Variants in SRGAP1 observed in about 807,000 individuals in gnomAD.
SRGAP1 encodes the protein SLIT-ROBO Rho GTPase activating protein 1, also known as SLIT-ROBO Rho GTPase-activating protein 1.
SRGAP1 carries 43 observed loss-of-function variants against 121.9 expected under a neutral mutation model. The ratio of observed to expected loss-of-function variants is 0.35; its 90% CI spans 0.28 to 0.46. The LOEUF (loss-of-function observed/expected upper bound fraction) is 0.46. Ranked by LOEUF, SRGAP1 falls within the 20% of genes least tolerant of loss-of-function variation. SRGAP1 has a pLI of 1.00. For synonymous variants in SRGAP1, 447 were observed against 485.4 expected, an observed-to-expected ratio of 0.92 and a Z score of 1.04; for missense variants, 1,102 against 1,350.9, an observed-to-expected ratio of 0.82 and a Z score of 2.89.
intron 6 of SRGAP1, among the ~76,000 whole-genome samples, chr12:64,045,109 C>A (rs1395902594): frequency 6.6e-6 from 1 of 151,844 alleles, no homozygotes; most frequent in African/African-American, 2.4e-5. Flanking sequence ...TTTCTTTTTT[C>A]ATTTATTACA....
intron 17 of SRGAP1, 91 bp downstream of exon 17, chr12:64,112,077 C>T: frequency 1.0e-6 from 1 of 990,954 alleles, no homozygotes; most frequent in Non-Finnish European, 1.5e-6. Flanking sequence ...TCCCATAAGC[C>T]ACCAATGCTT....
chr12:63,951,152 C>CTTTTTTTTTT lies in SRGAP1; in HGVS notation c.68-32775_68-32766dup, dbSNP rs58637983. Among the ~76,000 whole-genome samples, 17 of 44,184 alleles carry CTTTTTTTTTT rather than the reference C, an allele frequency of 3.8e-4. 3 individuals carry two copies. Among genetic ancestry groups the CTTTTTTTTTT allele is most frequent in the African/African-American group, 1.3e-3 (15 of 11,918 alleles). The allele number at this position is 44,184 out of a possible 152,430, so 29.0% of individuals were successfully genotyped here. On this transcript the variant is annotated intron_variant, in intron 1 of 21. Transcript: ENST00000355086. ...GGGCTGGTCCATGCCATTTAGAACT[C>CTTTTTTTTTT]TTTTTTTTTTTTTTTTTTTTTTTTT...
chr12:64,156,441 A>T lies in SRGAP1; in HGVS notation c.*13769A>T, dbSNP rs2136668250. On this transcript the variant is annotated 3_prime_UTR_variant, in exon 22 of 22. Transcript: ENST00000355086. ...TGTTTTTGCTCTTTTAGTAGCAAAT[A>T]CTCTGAATCTCTGCATATGTTACTC... 6.6e-6 allele frequency: 1 copy of T among 152,050 alleles called. No homozygotes were observed. The highest frequency in any genetic ancestry group is 1.5e-5 in the Non-Finnish European group (1 of 67,952). 9.4% of individuals were successfully genotyped at this position (152,050 alleles called of 1,614,324 possible).
At chr12:63,917,504 C>T (rs2030840513) in intron 1 of SRGAP1, among the ~76,000 whole-genome samples, 2 of 151,936 alleles carry the variant, frequency 1.3e-5, no homozygotes, top group Non-Finnish European at 2.9e-5. Context: ...CGCAGTTGCT[C>T]CTTTTGAATT....
At chr12:63,956,470 A>G (rs1173383944) in intron 1 of SRGAP1, among the ~76,000 whole-genome samples, 2 of 152,240 alleles carry the variant, frequency 1.3e-5, no homozygotes, top group African/African-American at 4.8e-5. Context: ...GGAGGCACCA[A>G]GGCTATAAAA....
chr12:64,005,104 G>A (rs1043972816), intron 3 of SRGAP1, among the ~76,000 whole-genome samples: 1 of 152,128 alleles, frequency 6.6e-6, no homozygotes, highest in Non-Finnish European at 1.5e-5. Flanking sequence ...AAATATTATT[G>A]TGAGTGAAGC....
At chr12:63,969,449 A>C (rs1409690517) in intron 1 of SRGAP1, among the ~76,000 whole-genome samples, 1 of 152,138 alleles carries the variant, frequency 6.6e-6, no homozygotes, top group Admixed American at 6.6e-5. Context: ...CTGGCCCAAG[A>C]GTAAAGTCTG....
chr12:63,850,430 A>T (rs928498869), intron 1 of SRGAP1, among the ~76,000 whole-genome samples: 11 of 145,178 alleles, frequency 7.6e-5, no homozygotes, highest in Non-Finnish European at 1.5e-4. Flanking sequence ...AAATTGGCCA[A>T]TTTTTTTTTT....
chr12:63,922,985 TCTC>T (rs1373924978), intron 1 of SRGAP1, among the ~76,000 whole-genome samples: 2 of 152,160 alleles, frequency 1.3e-5, no homozygotes, highest in African/African-American at 4.8e-5. Context: ...GGTAGCATCT[TCTC>T]TAGGATATCT....
At chr12:64,049,783 T>C (rs2035204846) in intron 6 of SRGAP1, among the ~76,000 whole-genome samples, 3 of 152,204 alleles carry the variant, frequency 2.0e-5, no homozygotes, top group South Asian at 4.1e-4. Flanking sequence ...TATGGCTGTC[T>C]TGGTTACTAT....
In SRGAP1 at chr12:64,146,411, A is replaced by G. The variant is rs979568344; in HGVS notation, c.*3739A>G. On this transcript the variant is annotated 3_prime_UTR_variant, in exon 22 of 22. Coordinates refer to ENST00000355086, the MANE Select transcript of SRGAP1 (RefSeq NM_020762.4). ...AAGGGGGGGTTTATAATTTAAAGAA[A>G]AGGAAAAGAGGCGTGGGTTGGTAGT... The G allele has an allele frequency of 3.9e-5, 6 of 152,170 alleles. No individual in the cohort carries two copies. 9.4% of individuals were successfully genotyped at this position (152,170 alleles called of 1,614,324 possible).
chr12:63,978,276 CA>C (rs2033144375), intron 1 of SRGAP1, among the ~76,000 whole-genome samples: 1 of 152,200 alleles, frequency 6.6e-6, no homozygotes, highest in Admixed American at 6.5e-5. Flanking sequence ...TGGCTTTTGG[CA>C]TATGCCAGGT....
At chr12:63,999,675 C>A (rs542587775) in intron 3 of SRGAP1, among the ~76,000 whole-genome samples, 118 of 152,114 alleles carry the variant, frequency 7.8e-4, no homozygotes, top group African/African-American at 2.7e-3. Context: ...GTGATGGGAA[C>A]GGGATTATGG....
chr12:64,083,301 G>A (rs2035880048), intron 10 of SRGAP1, among the ~76,000 whole-genome samples: 1 of 152,140 alleles, frequency 6.6e-6, no homozygotes, highest in African/African-American at 2.4e-5. Context: ...ACTCACCGCT[G>A]CAAAAACTGC....
At chr12:64,012,904 TA>T (rs142921007) in intron 3 of SRGAP1, among the ~76,000 whole-genome samples, 42 of 152,088 alleles carry the variant, frequency 2.8e-4, no homozygotes, top group African/African-American at 9.6e-4. Flanking sequence ...ACCTATTAAA[TA>T]TTTTTTTTTC....
intron 4 of SRGAP1, among the ~76,000 whole-genome samples, chr12:64,021,202 A>G (rs1026452324): frequency 6.6e-6 from 1 of 152,200 alleles, no homozygotes; most frequent in Non-Finnish European, 1.5e-5. Flanking sequence ...TTTCATATAC[A>G]TCTTATTGGC....
chr12:64,068,794 G>C (rs906895564), intron 8 of SRGAP1, among the ~76,000 whole-genome samples: 7 of 151,824 alleles, frequency 4.6e-5, no homozygotes, highest in Non-Finnish European at 1.0e-4. Flanking sequence ...CAGATCTCTT[G>C]AGGTCAGGAG....
In SRGAP1 at chr12:63,844,962, G is replaced by C. The variant is rs1209950064; in HGVS notation, c.67+79G>C. On this transcript the variant is annotated intron_variant, in intron 1 of 21. Coordinates refer to ENST00000355086, the MANE Select transcript of SRGAP1 (RefSeq NM_020762.4). The surrounding 1 kb of genome is among the most constrained non-coding windows in gnomAD (Gnocchi z 4.3). ...CTCGTGGAGTTGCGTATCTAACTTGGTGTCTGCGTGGGAGGAAGGTGGTGA... is the reference window on the plus strand; with the variant it reads ...CTCGTGGAGTTGCGTATCTAACTTGCTGTCTGCGTGGGAGGAAGGTGGTGA... The C allele has an allele frequency of 7.1e-7, 1 of 1,409,316 alleles. No individual in the cohort carries two copies. Among genetic ancestry groups the C allele is most frequent in the African/African-American group, 1.4e-5 (1 of 70,700 alleles). 87.3% of individuals were successfully genotyped at this position (1,409,316 alleles called of 1,614,324 possible). A position where few individuals can be genotyped will look rare whatever the true frequency, so the allele number is the denominator to read the frequency against.
At chr12:64,119,781 T>TTC (rs2036576572) in intron 18 of SRGAP1, among the ~76,000 whole-genome samples, 1 of 149,712 alleles carries the variant, frequency 6.7e-6, no homozygotes, top group African/African-American at 2.5e-5. Context: ...TTTTTTTTTT[T>TTC]TTTTTTTTGG....
Sources: allele counts gnomAD v4.1 joint callset (sites outside exome capture counted in the v4.1 genomes callset), GRCh38; gene constraint gnomAD v4.1.1; non-coding constraint Gnocchi (gnomAD v3.1); transcripts MANE v1.5; gene names NCBI Gene and HGNC (gene_info 2026-07-23, HGNC 2026-07-21).